PSD3: variants seen among roughly 807,000 people sequenced by gnomAD.
PSD3 encodes the protein pleckstrin and Sec7 domain containing 3, also known as PH and SEC7 domain-containing protein 3.
Under a neutral mutation model 105.5 loss-of-function variants are expected in PSD3, and 49 were observed. The ratio of observed to expected loss-of-function variants is 0.46; its 90% CI spans 0.37 to 0.59. The LOEUF is 0.59. Among genes scored for constraint, PSD3 ranks in the 20% least tolerant of loss-of-function variants. The probability of loss-of-function intolerance (pLI) is 0.00; values close to 1 mark genes in which losing one functional copy is unlikely to be tolerated. For synonymous variants in PSD3, 557 were observed against 457.8 expected (o/e 1.22, Z -2.77); for missense variants, 1,561 against 1,263.8 (o/e 1.24, Z -3.57).
Position 18,572,672 on chromosome 8 carries a change from C to T in PSD3, c.2640G>A (p.Gln880=), listed in dbSNP as rs577673671. ...TCCACCCTTGCATTTCCTCTGGGCTCCTATGAGAAATAGATATGTTTATAT... is the reference window on the plus strand; with the variant it reads ...TCCACCCTTGCATTTCCTCTGGGCTTCTATGAGAAATAGATATGTTTATAT... ...ADWRVLLFQT[Q]SPEEMQGWIN... Residue 880 remains glutamine (Q), a splice_region_variant and synonymous_variant, in exon 14 of 16, where the codon CAG becomes CAA. Coordinates refer to ENST00000327040, the MANE Select transcript of PSD3 (RefSeq NM_015310.4). 4 of 1,613,598 alleles carry T rather than the reference C, an allele frequency of 2.5e-6. No individual in the cohort carries two copies. Among genetic ancestry groups the T allele is most frequent in the East Asian group, 4.5e-5 (2 of 44,868 alleles).
At chr8:18,905,318 T>C (rs192127258) in intron 2 of PSD3, among the ~76,000 whole-genome samples, 427 of 152,274 alleles carry the variant, frequency 2.8e-3, no homozygotes, top group African/African-American at 9.8e-3. Context: ...CAGTGACTTC[T>C]CCTCTCCTTT....
At chr8:18,828,994 C>A (rs1218565642) in intron 4 of PSD3, among the ~76,000 whole-genome samples, 3 of 152,054 alleles carry the variant, frequency 2.0e-5, no homozygotes, top group East Asian at 1.9e-4. Context: ...ACGGCTTGAG[C>A]CTGGGAGGCA....
intron 1 of PSD3, among the ~76,000 whole-genome samples, chr8:18,991,861 C>T (rs1273874687): frequency 6.6e-6 from 1 of 152,142 alleles, no homozygotes; most frequent in Non-Finnish European, 1.5e-5. Context: ...TGAATATTTA[C>T]AATGCGCCAG....
chr8:18,556,513 T>C (rs1379311573), intron 14 of PSD3, among the ~76,000 whole-genome samples, 161 bp from the exon 15 acceptor site: 1 of 152,230 alleles, frequency 6.6e-6, no homozygotes, highest in African/African-American at 2.4e-5. Context: ...CACGCCCCTG[T>C]CCACATATTT....
intron 12 of PSD3, among the ~76,000 whole-genome samples, chr8:18,593,979 CG>C (rs1364351955): frequency 5.5e-5 from 2 of 36,200 alleles, no homozygotes; most frequent in African/African-American, 2.9e-4. Flanking sequence ...TGTTGTGGGG[CG>C]GGGGGAGGGG....
intron 10 of PSD3, among the ~76,000 whole-genome samples, chr8:18,655,153 C>G (rs1808796356): frequency 6.6e-6 from 1 of 151,176 alleles, no homozygotes; most frequent in Non-Finnish European, 1.5e-5. Context: ...GAAACCCCGT[C>G]TCTACTAAAA....
chr8:18,817,255 T>G (rs1291031686), intron 4 of PSD3, among the ~76,000 whole-genome samples: 1 of 152,224 alleles, frequency 6.6e-6, no homozygotes, highest in Non-Finnish European at 1.5e-5. Context: ...TAGTATCATA[T>G]ATGTACTTTA....
At chr8:19,047,294 T>C (rs1275997309) in intron 1 of PSD3, among the ~76,000 whole-genome samples, 1 of 152,174 alleles carries the variant, frequency 6.6e-6, no homozygotes, top group East Asian at 1.9e-4. Flanking sequence ...GGCCTCCCTG[T>C]GGCCTCCAGG....
intron 11 of PSD3, among the ~76,000 whole-genome samples, chr8:18,621,991 A>T (rs539777883): frequency 6.6e-6 from 1 of 152,278 alleles, no homozygotes; most frequent in Admixed American, 6.5e-5. Flanking sequence ...TGTGGGACTA[A>T]ATTTTCTAAA....
chr8:18,721,394 G>A (rs530290482), intron 9 of PSD3, among the ~76,000 whole-genome samples: 3 of 152,222 alleles, frequency 2.0e-5, no homozygotes, highest in African/African-American at 7.2e-5. Context: ...CAAGTAACTA[G>A]GACCAAGTGC....
At chr8:18,739,005 C>T (rs187190034) in intron 9 of PSD3, among the ~76,000 whole-genome samples, 28 of 152,274 alleles carry the variant, frequency 1.8e-4, no homozygotes, top group African/African-American at 6.7e-4. Flanking sequence ...TTAGGTATCA[C>T]AGATTGTTCA....
intron 10 of PSD3, among the ~76,000 whole-genome samples, chr8:18,648,206 A>G (rs1315718620): frequency 6.6e-6 from 1 of 152,226 alleles, no homozygotes; most frequent in Non-Finnish European, 1.5e-5. Context: ...TGGATGGCTC[A>G]GAAGATGACA....
intron 2 of PSD3, among the ~76,000 whole-genome samples, chr8:18,873,523 A>T (rs1424237733): frequency 1.3e-5 from 2 of 152,194 alleles, no homozygotes; most frequent in Non-Finnish European, 2.9e-5. Flanking sequence ...AGACTAGCTA[A>T]ATCAAGCTAA....
intron 2 of PSD3, among the ~76,000 whole-genome samples, chr8:18,934,646 A>G (rs1044179468): frequency 6.6e-6 from 1 of 152,130 alleles, no homozygotes; most frequent in Non-Finnish European, 1.5e-5. Flanking sequence ...TCATTCTCAA[A>G]ATAATTCTAA....
At chr8:18,950,253 G>T (rs1295787375) in intron 1 of PSD3, among the ~76,000 whole-genome samples, 4 of 152,208 alleles carry the variant, frequency 2.6e-5, no homozygotes, top group Non-Finnish European at 5.9e-5. Context: ...GAAAGGAATT[G>T]TTTACAGAAG....
chr8:18,828,585 G>C (rs75101490), intron 4 of PSD3, among the ~76,000 whole-genome samples: 1 of 152,054 alleles, frequency 6.6e-6, no homozygotes, highest in African/African-American at 2.4e-5. Flanking sequence ...CAGACTGCTC[G>C]AGCCCGGGAG....
At chr8:18,995,600 G>A (rs1826034603) in intron 1 of PSD3, among the ~76,000 whole-genome samples, 2 of 151,916 alleles carry the variant, frequency 1.3e-5, no homozygotes, top group South Asian at 4.2e-4. Flanking sequence ...TCTGTTCTCA[G>A]GCTGCTATTA....
intron 2 of PSD3, among the ~76,000 whole-genome samples, chr8:18,917,118 C>G (rs961949281): frequency 3.3e-5 from 5 of 152,108 alleles, no homozygotes; most frequent in Non-Finnish European, 5.9e-5. Flanking sequence ...ACCCTCAATG[C>G]CTTCACCTTC....
chr8:18,556,341 C>T lies in PSD3; in HGVS notation c.2796G>A (p.Leu932=). 2 of 1,611,780 alleles carry T rather than the reference C, an allele frequency of 1.2e-6. No individual in the cohort carries two copies. Among genetic ancestry groups the T allele is most frequent in the East Asian group, 2.2e-5 (1 of 44,820 alleles). ...GCTTCAGCTTACTTTCATGTGACTT[C>T]AGTTGCTCCTCCTGCAGGAAATCAT... The part of the protein sequence containing the change: ...TTTKLSQEEQ[L]KSHESKLKQI... The change falls in exon 15 of 16, where the codon CTG becomes CTA. Residue 932 remains leucine, a synonymous_variant. Coordinates refer to ENST00000327040, the MANE Select transcript of PSD3 (RefSeq NM_015310.4).
Sources: gnomAD v4.1 joint callset for allele counts (sites outside exome capture counted in the v4.1 genomes callset) on GRCh38, gnomAD v4.1.1 for gene constraint, MANE v1.5 for transcripts, NCBI Gene and HGNC (gene_info 2026-07-23, HGNC 2026-07-21) for gene names.